CAB39: variants seen among roughly 807,000 people sequenced by gnomAD.
The protein encoded by CAB39 is calcium-binding protein 39.
CAB39 carries 8 observed loss-of-function variants against 40.0 expected under a neutral mutation model. The ratio of observed to expected loss-of-function variants is 0.20; its 90% CI spans 0.12 to 0.36. The LOEUF is 0.36. CAB39 is among the 10% of genes least tolerant of loss of function. CAB39 has a pLI of 1.00. For missense variants in CAB39, 270 were observed against 401.1 expected (o/e 0.67, Z 2.79); for synonymous variants, 156 against 141.6 (o/e 1.10, Z -0.72).
intron 2 of CAB39, among the ~76,000 whole-genome samples, chr2:230,782,813 C>CTTTCTTTCTTTTTTTTT (rs1286339069): frequency 3.7e-5 from 3 of 81,764 alleles, no homozygotes; most frequent in African/African-American, 1.9e-4. Context: ...TTCTTTCTTT[C>CTTTCTTTCTTTTTTTTT]TTTTTTTTTT....
At chr2:230,776,816 C>T (rs967025992) in intron 2 of CAB39, among the ~76,000 whole-genome samples, 7 of 152,104 alleles carry the variant, frequency 4.6e-5, no homozygotes, top group African/African-American at 1.4e-4. Context: ...TCAGCCTCCC[C>T]AGTAGCTGGG....
chr2:230,808,816 A>G (rs1011808595), intron 5 of CAB39, among the ~76,000 whole-genome samples: 2 of 152,210 alleles, frequency 1.3e-5, no homozygotes, highest in African/African-American at 4.8e-5. Context: ...TACTTTGAAG[A>G]TTGCTGAATG....
intron 5 of CAB39, among the ~76,000 whole-genome samples, chr2:230,808,799 A>T (rs1031946475): frequency 6.6e-6 from 1 of 152,230 alleles, no homozygotes; most frequent in Non-Finnish European, 1.5e-5. Flanking sequence ...AAACCTTCTC[A>T]AAAGCATACT....
chr2:230,817,635 C>T (rs1035435328), intron 7 of CAB39, 119 bp from the exon 8 acceptor site: 16 of 707,812 alleles, frequency 2.3e-5, no homozygotes, highest in Middle Eastern at 4.1e-4. Context: ...TTCAGTTCTT[C>T]GGTCTTTTGA....
At chr2:230,812,469 G>C (rs1296389222) in intron 6 of CAB39, among the ~76,000 whole-genome samples, 1 of 152,206 alleles carries the variant, frequency 6.6e-6, no homozygotes, top group South Asian at 2.1e-4. Context: ...TTTTCAGGCA[G>C]TTCTCCATGA....
chr2:230,743,401 C>G (rs934373407), intron 1 of CAB39, among the ~76,000 whole-genome samples: 1 of 152,132 alleles, frequency 6.6e-6, no homozygotes, highest in Non-Finnish European at 1.5e-5. Context: ...TGTGATGACC[C>G]CCTACTGACT....
intron 2 of CAB39, among the ~76,000 whole-genome samples, chr2:230,764,915 T>A (rs1695358076): frequency 6.6e-6 from 1 of 152,236 alleles, no homozygotes; most frequent in South Asian, 2.1e-4. Context: ...TTAAAAATAT[T>A]GTATGTATAT....
At chr2:230,782,485 A>C (rs1695704131) in intron 2 of CAB39, among the ~76,000 whole-genome samples, 2 of 152,014 alleles carry the variant, frequency 1.3e-5, no homozygotes, top group African/African-American at 4.8e-5. Flanking sequence ...TTCTTTTTTA[A>C]ATAAAAGTAG....
intron 2 of CAB39, among the ~76,000 whole-genome samples, chr2:230,781,575 C>G (rs116651579): frequency 0.021 from 3,133 of 152,208 alleles, 95 homozygotes; most frequent in African/African-American, 0.071. Flanking sequence ...CTTGGCAGGA[C>G]CTGGAATGTG....
At chr2:230,744,052 T>C (rs574367196) in intron 1 of CAB39, among the ~76,000 whole-genome samples, 38 of 151,958 alleles carry the variant, frequency 2.5e-4, no homozygotes, top group South Asian at 8.3e-4. Context: ...CCCTAGTTGC[T>C]GGGATTACAG....
intron 4 of CAB39, among the ~76,000 whole-genome samples, chr2:230,796,453 C>G (rs1426873050): frequency 6.6e-6 from 1 of 151,892 alleles, no homozygotes; most frequent in African/African-American, 2.4e-5. Context: ...ATGGTTTAAT[C>G]GTTTAGACAA....
chr2:230,746,598 G>A (rs982039476), intron 1 of CAB39, among the ~76,000 whole-genome samples: 1 of 152,144 alleles, frequency 6.6e-6, no homozygotes, highest in Admixed American at 6.5e-5. Context: ...ATTAAGAGTT[G>A]CTCAGCAAAG....
At chr2:230,774,822 T>C (rs553651735) in intron 2 of CAB39, among the ~76,000 whole-genome samples, 2 of 152,216 alleles carry the variant, frequency 1.3e-5, no homozygotes, top group East Asian at 3.9e-4. Context: ...CCTTAGTCCA[T>C]GATCATTCAG....
At chr2:230,732,907 C>G (rs1694719898) in intron 1 of CAB39, among the ~76,000 whole-genome samples, 2 of 152,252 alleles carry the variant, frequency 1.3e-5, no homozygotes, top group African/African-American at 4.8e-5. Flanking sequence ...TAGATATTTA[C>G]TGATTTGAAG....
intron 1 of CAB39, among the ~76,000 whole-genome samples, chr2:230,739,839 G>A (rs80302094): frequency 8.7e-4 from 133 of 152,298 alleles, no homozygotes; most frequent in East Asian, 6.4e-3. Context: ...GTGCTTTGCC[G>A]TAATTGGAGA....
At chr2:230,798,520 A>G (rs1266771294) in intron 4 of CAB39, among the ~76,000 whole-genome samples, 6 of 152,152 alleles carry the variant, frequency 3.9e-5, no homozygotes, top group Admixed American at 3.3e-4. Context: ...GGCGGTCATC[A>G]CCAACCAGTG....
Position 230,715,420 on chromosome 2 carries a change from G to GTT in CAB39, c.-44+2190_-44+2191insTT, listed in dbSNP as rs1694331125. ...GTGTGTTGTCATGAGGTGTGGAAGAGGAAGAAAGCACACAGATCTCTGCTA... is the reference window on the plus strand; with the variant it reads ...GTGTGTTGTCATGAGGTGTGGAAGAGTTGAAGAAAGCACACAGATCTCTGCTA... On this transcript the variant is annotated intron_variant, in intron 1 of 8. Coordinates refer to ENST00000258418, the MANE Select transcript of CAB39 (RefSeq NM_016289.4). Among the ~76,000 whole-genome samples, 3 of 152,306 alleles carry GTT rather than the reference G, an allele frequency of 2.0e-5. No individual in the cohort carries two copies. In the South Asian group the frequency reaches 6.2e-4, roughly 32 times the overall value.
intron 2 of CAB39, among the ~76,000 whole-genome samples, chr2:230,775,167 C>CA (rs909893533): frequency 2.7e-5 from 4 of 150,888 alleles, no homozygotes; most frequent in African/African-American, 9.7e-5. Context: ...TCAAAAAAAA[C>CA]AAAAAATAAT....
At chr2:230,813,978 CTTTTTTTTTTTTT>C (rs1160253213) in intron 6 of CAB39, 58 bp from the exon 7 acceptor site, 604 of 112,794 alleles carry the variant, frequency 5.4e-3, no homozygotes, top group Non-Finnish European at 6.9e-3. Flanking sequence ...ACCTACCAGT[CTTTTTTTTTTTTT>C]TTTTTTTTTT....
Sources: allele counts gnomAD v4.1 joint callset (sites outside exome capture counted in the v4.1 genomes callset), GRCh38; gene constraint gnomAD v4.1.1; transcripts MANE v1.5; gene names NCBI Gene and HGNC (gene_info 2026-07-23, HGNC 2026-07-21).